Variants in NIPBL observed in about 807,000 individuals in gnomAD.
NIPBL encodes NIPBL cohesin loading factor.
Under a neutral mutation model 321.8 loss-of-function variants are expected in NIPBL, and 19 were observed. The observed-to-expected ratio is 0.06, with a 90% CI of 0.04 to 0.09. NIPBL has a LOEUF of 0.09. Ranked by LOEUF, NIPBL falls within the 10% of genes least tolerant of loss-of-function variation. The probability of loss-of-function intolerance (pLI) is 1.00; values close to 1 mark genes in which losing one functional copy is unlikely to be tolerated. For missense variants in NIPBL, 2,210 were observed against 3,327.0 expected, an observed-to-expected ratio of 0.66 and a Z score of 8.26; for synonymous variants, 1,106 against 1,114.1, an observed-to-expected ratio of 0.99 and a Z score of 0.14.
chr5:37,026,271 A>G lies in NIPBL; in HGVS notation c.5752A>G (p.Thr1918Ala), dbSNP rs199639172. 9 of 1,612,196 alleles carry G rather than the reference A, an allele frequency of 5.6e-6. No individual in the cohort carries two copies. The highest frequency in any genetic ancestry group is 2.2e-5 in the South Asian group (2 of 90,910). Residue 1918 changes from threonine to alanine, a missense_variant, in exon 31 of 47, where the codon ACT becomes GCT. Around this residue, in one of 14 missense-constraint regions of NIPBL, gnomAD observed 69 missense variants for 100.8 expected, o/e 0.68. Transcript: ENST00000282516. The part of the protein sequence containing the change: ...ETFQKLWFTP[T>A]PHNDKEAMTR... ...ATTCCAGAAACTCTGGTTTACTCCA[A>G]CTCCACACAATGACAAAGAAGCAAT...
Position 37,049,234 on chromosome 5 carries a change from G to A in NIPBL, c.6887G>A (p.Ser2296Asn). The change falls in exon 40 of 47, where the codon AGT becomes AAT. Residue 2296 changes from serine (S) to asparagine (N), a missense_variant. By Grantham distance (46) the Ser-to-Asn change is conservative. Around this residue, in one of 14 missense-constraint regions of NIPBL, gnomAD observed 112 missense variants for 288.3 expected, o/e 0.39. Coordinates refer to ENST00000282516, the MANE Select transcript of NIPBL (RefSeq NM_133433.4). The part of the protein sequence containing the change: ...VLEAFFHTQS[S>N]VRHFALNVIA... ...GAGGCATTTTTTCACACCCAGTCAA[G>A]TGTACGCCACTTTGCCCTAAATGTC... 6.2e-7 allele frequency: 1 copy of A among 1,614,096 alleles called. No homozygotes were observed. The highest frequency in any genetic ancestry group is 1.3e-5 in the African/African-American group (1 of 75,042).
At chr5:37,022,529 T>G in intron 29 of NIPBL, 139 bp downstream of exon 29, 1 of 731,800 alleles carries the variant, frequency 1.4e-6, no homozygotes, top group South Asian at 2.1e-5. Context: ...CTATTGCCAC[T>G]TTCTAAACAA....
chr5:37,063,752 T>G, intron 45 of NIPBL, 38 bp from the exon 46 acceptor site: 1 of 1,569,438 alleles, frequency 6.4e-7, no homozygotes, highest in East Asian at 2.3e-5. Context: ...GCTTGAAATA[T>G]TTACTTAAAA....
intron 1 of NIPBL, among the ~76,000 whole-genome samples, chr5:36,901,409 A>G (rs2149534466): frequency 1.3e-5 from 2 of 151,802 alleles, no homozygotes; most frequent in Middle Eastern, 6.8e-3. Context: ...GTGAACATAC[A>G]CATCCATGTG....
chr5:37,048,765 T>G, intron 39 of NIPBL, 90 bp downstream of exon 39: 1 of 1,113,360 alleles, frequency 9.0e-7, no homozygotes, highest in South Asian at 1.4e-5. Context: ...ATTTCCTTAT[T>G]TGTTAGATGA....
At chr5:37,014,652 A>G (rs1748718124) in intron 21 of NIPBL, 31 bp from the exon 22 acceptor site, 1 of 1,298,152 alleles carries the variant, frequency 7.7e-7, no homozygotes. Context: ...TATTTCTTGT[A>G]TCTTTATAAA....
At chr5:36,938,903 G>T (rs1036425618) in intron 1 of NIPBL, among the ~76,000 whole-genome samples, 1 of 152,156 alleles carries the variant, frequency 6.6e-6, no homozygotes, top group Non-Finnish European at 1.5e-5. Context: ...GTGTACAGTT[G>T]TGTGTACATA....
At chr5:37,054,001 G>C (rs1016722702) in intron 42 of NIPBL, among the ~76,000 whole-genome samples, 1 of 152,022 alleles carries the variant, frequency 6.6e-6, no homozygotes, top group African/African-American at 2.4e-5. Flanking sequence ...TTCGAGACCA[G>C]CCTGACCAAC....
At chr5:36,913,252 A>G (rs888614299) in intron 1 of NIPBL, among the ~76,000 whole-genome samples, 1 of 152,188 alleles carries the variant, frequency 6.6e-6, no homozygotes, top group Non-Finnish European at 1.5e-5. Flanking sequence ...AAGTGCCATA[A>G]TGCAACAACT....
intron 21 of NIPBL, among the ~76,000 whole-genome samples, chr5:37,012,225 C>T (rs1748216335): frequency 6.6e-6 from 1 of 151,338 alleles, no homozygotes; most frequent in Non-Finnish European, 1.5e-5. Flanking sequence ...TCACAGCTCA[C>T]CACAGCCTCA....
chr5:37,060,833 T>G lies in NIPBL; in HGVS notation c.7686-11T>G. 1 of 1,611,314 alleles carries G rather than the reference T, an allele frequency of 6.2e-7. No individual in the cohort carries two copies. The highest frequency in any genetic ancestry group is 8.5e-7 in the Non-Finnish European group (1 of 1,178,818). ...AGTTTTAAAGTTTTTGGTTTTGTTT[T>G]CCCAAAACAGTAAAATTCAGAAGTA... is the stretch of plus-strand genomic sequence containing the variant. On this transcript the variant is annotated splice_polypyrimidine_tract_variant and intron_variant, in intron 44 of 46. Coordinates refer to ENST00000282516, the MANE Select transcript of NIPBL (RefSeq NM_133433.4).
chr5:37,058,527 T>G (rs1754333718), intron 43 of NIPBL, among the ~76,000 whole-genome samples: 1 of 152,248 alleles, frequency 6.6e-6, no homozygotes, highest in Admixed American at 6.5e-5. Context: ...CCAAGATTAC[T>G]TTATTCTCCT....
chr5:37,062,010 T>G (rs1272278597), intron 45 of NIPBL, among the ~76,000 whole-genome samples: 1 of 151,970 alleles, frequency 6.6e-6, no homozygotes, highest in Non-Finnish European at 1.5e-5. Flanking sequence ...CCCGGCTAAT[T>G]TTTGTATTTT....
intron 1 of NIPBL, among the ~76,000 whole-genome samples, chr5:36,908,656 A>G (rs1747824289): frequency 6.6e-6 from 1 of 152,212 alleles, no homozygotes; most frequent in Non-Finnish European, 1.5e-5. Flanking sequence ...AAAAATCTGT[A>G]AGTTCTGGTT....
chr5:36,952,049 TGTGTGC>T (rs1268293845), intron 1 of NIPBL, among the ~76,000 whole-genome samples: 35 of 113,890 alleles, frequency 3.1e-4, no homozygotes, highest in African/African-American at 6.6e-4. Context: ...TGTGTGTGTG[TGTGTGC>T]GCGCGCGCGC....
chr5:36,902,189 G>C (rs60535592), intron 1 of NIPBL, among the ~76,000 whole-genome samples: 3,020 of 151,712 alleles, frequency 0.02, 82 homozygotes, highest in African/African-American at 0.062. Flanking sequence ...TTGCAAACAT[G>C]TTCTTCCATT....
chr5:37,060,186 CTG>C (rs1754519199), intron 44 of NIPBL, among the ~76,000 whole-genome samples: 1 of 152,130 alleles, frequency 6.6e-6, no homozygotes, highest in Non-Finnish European at 1.5e-5. Context: ...AGAGGAATAT[CTG>C]TATTTGCAAC....
At chr5:36,908,819 C>T (rs1419088224) in intron 1 of NIPBL, among the ~76,000 whole-genome samples, 1 of 152,132 alleles carries the variant, frequency 6.6e-6, no homozygotes, top group Non-Finnish European at 1.5e-5. Context: ...CAGAAGTAAT[C>T]GGTCAGGTGC....
At chr5:36,897,242 T>C (rs907813832) in intron 1 of NIPBL, among the ~76,000 whole-genome samples, 4 of 152,140 alleles carry the variant, frequency 2.6e-5, no homozygotes, top group African/African-American at 9.7e-5. Context: ...GACCTCGTGA[T>C]CCACCTGCTT....
Sources: gnomAD v4.1 joint callset for allele counts (sites outside exome capture counted in the v4.1 genomes callset) on GRCh38, gnomAD v4.1.1 for gene constraint, gnomAD v4.1.1 regional missense constraint, MANE v1.5 for transcripts, NCBI Gene and HGNC (gene_info 2026-07-23, HGNC 2026-07-21) for gene names.